SMOC1: variants seen among roughly 807,000 people sequenced by gnomAD.
SMOC1 encodes SPARC related modular calcium binding 1, also known as SPARC-related modular calcium-binding protein 1.
A neutral mutation model predicts 56.3 loss-of-function variants in SMOC1; 22 were observed. The ratio of observed to expected loss-of-function variants is 0.39; its 90% CI spans 0.28 to 0.56. SMOC1 has a LOEUF of 0.56. SMOC1 is among the 20% of genes least tolerant of loss of function. The pLI, the probability that SMOC1 is intolerant of heterozygous loss-of-function variation, is 0.61. For synonymous variants in SMOC1, 193 were observed against 215.0 expected, an observed-to-expected ratio of 0.90 and a Z score of 0.89; for missense variants, 509 against 565.4, an observed-to-expected ratio of 0.90 and a Z score of 1.01.
At chr14:69,889,023 T>G (rs1226797704) in intron 1 of SMOC1, among the ~76,000 whole-genome samples, 1 of 152,252 alleles carries the variant, frequency 6.6e-6, no homozygotes, top group Non-Finnish European at 1.5e-5. Flanking sequence ...ATAACTGCAC[T>G]GTCCAATATT....
At chr14:70,026,065 A>G (rs1460514701) in intron 11 of SMOC1, among the ~76,000 whole-genome samples, 1 of 152,242 alleles carries the variant, frequency 6.6e-6, no homozygotes, top group Admixed American at 6.5e-5. Context: ...AGCACCGTAC[A>G]TGGCACCTGG....
intron 1 of SMOC1, among the ~76,000 whole-genome samples, chr14:69,882,224 A>G (rs1385486529): frequency 6.6e-6 from 1 of 152,188 alleles, no homozygotes; most frequent in Non-Finnish European, 1.5e-5. Flanking sequence ...CGAGGAGCAG[A>G]AACATCTGGC....
chr14:69,898,519 G>A (rs1079904), intron 1 of SMOC1, among the ~76,000 whole-genome samples: 8,146 of 149,826 alleles, frequency 0.054, 315 homozygotes, highest in Middle Eastern at 0.17. Context: ...AGTTTCTATT[G>A]CCATATCCTC....
At chr14:69,933,230 A>G (rs923384919) in intron 1 of SMOC1, among the ~76,000 whole-genome samples, 1 of 152,206 alleles carries the variant, frequency 6.6e-6, no homozygotes, top group African/African-American at 2.4e-5. Context: ...CAAAAAGTAG[A>G]TGTTTAGTGT....
chr14:69,896,174 G>C (rs376128774), intron 1 of SMOC1, among the ~76,000 whole-genome samples: 2 of 152,242 alleles, frequency 1.3e-5, no homozygotes, highest in South Asian at 4.2e-4. Context: ...TCTTAAAGCC[G>C]CATCTACTTT....
intron 1 of SMOC1, among the ~76,000 whole-genome samples, chr14:69,929,579 T>A (rs887181192): frequency 2.0e-5 from 3 of 151,844 alleles, no homozygotes; most frequent in Non-Finnish European, 4.4e-5. Flanking sequence ...TTCTAAGACA[T>A]TGGGGTGTTT....
intron 5 of SMOC1, among the ~76,000 whole-genome samples, chr14:69,987,377 A>G (rs1332747861): frequency 6.6e-6 from 1 of 152,164 alleles, no homozygotes; most frequent in East Asian, 1.9e-4. Context: ...CTCATTCTCC[A>G]AGGCTTCTCA....
At chr14:69,942,668 C>T (rs931871834) in intron 1 of SMOC1, among the ~76,000 whole-genome samples, 14 of 152,096 alleles carry the variant, frequency 9.2e-5, no homozygotes, top group Non-Finnish European at 1.9e-4. Context: ...TAGTATATAA[C>T]TTTTTGAGTC....
intron 11 of SMOC1, among the ~76,000 whole-genome samples, chr14:70,028,181 C>G (rs891796242): frequency 2.6e-5 from 4 of 152,182 alleles, no homozygotes; most frequent in African/African-American, 9.7e-5. Flanking sequence ...GCATAACATG[C>G]CTCTTTCTTC....
chr14:69,992,470 G>A lies in SMOC1; in HGVS notation c.580G>A (p.Asp194Asn), dbSNP rs1884599368. ...GGAGACCCAGCCGGTGTTCGATGGAGATGGTAAGATCTTGCATTACTTCTG... is the reference window on the plus strand; with the variant it reads ...GGAGACCCAGCCGGTGTTCGATGGAAATGGTAAGATCTTGCATTACTTCTG... ...TMETQPVFDGDEITAPTLWIK... is the reference protein window; with the variant it reads ...TMETQPVFDGNEITAPTLWIK... The change falls in exon 6 of 12, where the codon GAT becomes AAT. Residue 194 changes from aspartate (D) to asparagine (N), a missense_variant. By Grantham distance (23) the Asp-to-Asn change is conservative. Transcript: ENST00000361956. 3 of 1,612,760 alleles carry A rather than the reference G, an allele frequency of 1.9e-6. No homozygotes were observed. In the African/African-American group the frequency reaches 4.0e-5, roughly 22 times the overall value.
At chr14:69,938,271 G>GCT (rs1882401461) in intron 1 of SMOC1, among the ~76,000 whole-genome samples, 1 of 152,124 alleles carries the variant, frequency 6.6e-6, no homozygotes, top group African/African-American at 2.4e-5. Context: ...TCTTCTTCCT[G>GCT]CTATGTTTAG....
chr14:69,921,880 C>T (rs578195098), intron 1 of SMOC1, among the ~76,000 whole-genome samples: 13 of 152,270 alleles, frequency 8.5e-5, no homozygotes, highest in East Asian at 5.8e-4. Flanking sequence ...GAAAGGTACC[C>T]GAGGGAAGGG....
intron 1 of SMOC1, among the ~76,000 whole-genome samples, chr14:69,922,115 G>C (rs1239317270): frequency 6.6e-6 from 1 of 152,218 alleles, no homozygotes. Flanking sequence ...TACAGAGCTC[G>C]GGCTTCAAAG....
At chr14:69,920,740 G>A (rs1884818069) in intron 1 of SMOC1, among the ~76,000 whole-genome samples, 1 of 152,192 alleles carries the variant, frequency 6.6e-6, no homozygotes, top group Admixed American at 6.5e-5. Flanking sequence ...AAGGAGATCT[G>A]CTTTGCCTGG....
At chr14:70,017,055 G>C (rs758539753) in intron 10 of SMOC1, among the ~76,000 whole-genome samples, 1 of 152,220 alleles carries the variant, frequency 6.6e-6, no homozygotes, top group Non-Finnish European at 1.5e-5. Context: ...CCAGAGCTTA[G>C]ACTAGTGTCT....
intron 1 of SMOC1, among the ~76,000 whole-genome samples, chr14:69,948,701 C>T (rs571608099): frequency 8.5e-5 from 13 of 152,170 alleles, no homozygotes; most frequent in Non-Finnish European, 1.2e-4. Flanking sequence ...TCTTAAACCA[C>T]GCCCCCCTTC....
At chr14:69,919,920 C>CA (rs1231946408) in intron 1 of SMOC1, among the ~76,000 whole-genome samples, 1 of 149,636 alleles carries the variant, frequency 6.7e-6, no homozygotes, top group Non-Finnish European at 1.5e-5. Flanking sequence ...ACCCCCCCCC[C>CA]CCTTTCTCCC....
intron 11 of SMOC1, among the ~76,000 whole-genome samples, chr14:70,027,849 C>G (rs555357836): frequency 2.6e-5 from 4 of 152,136 alleles, no homozygotes; most frequent in African/African-American, 4.8e-5. Flanking sequence ...GGAACATGTC[C>G]GGGAAAGAAG....
chr14:69,944,138 C>T (rs227393), intron 1 of SMOC1, among the ~76,000 whole-genome samples: 2 of 152,206 alleles, frequency 1.3e-5, no homozygotes, highest in African/African-American at 4.8e-5. Flanking sequence ...GGTTTCTGCC[C>T]TCAGGGAGCT....
Sources: gnomAD v4.1 joint callset for allele counts (sites outside exome capture counted in the v4.1 genomes callset) on GRCh38, gnomAD v4.1.1 for gene constraint, MANE v1.5 for transcripts, NCBI Gene and HGNC (gene_info 2026-07-23, HGNC 2026-07-21) for gene names.